The following ATP6V1D variants were observed in gnomAD, a reference collection of about 807,000 sequenced individuals.
The protein encoded by ATP6V1D is V-type proton ATPase subunit D.
A neutral mutation model predicts 39.4 loss-of-function variants in ATP6V1D; 20 were observed. The observed-to-expected ratio is 0.51, with a 90% CI of 0.36 to 0.74. ATP6V1D has a LOEUF of 0.74. ATP6V1D is among the 30% of genes least tolerant of loss of function. ATP6V1D has a pLI of 0.00. For synonymous variants in ATP6V1D, 100 were observed against 100.5 expected, an observed-to-expected ratio of 0.99 and a Z score of 0.03; for missense variants, 228 against 291.6, an observed-to-expected ratio of 0.78 and a Z score of 1.59.
intron 7 of ATP6V1D, among the ~76,000 whole-genome samples, chr14:67,341,447 C>T (rs1483870658): frequency 1.3e-5 from 2 of 152,080 alleles, no homozygotes; most frequent in Non-Finnish European, 2.9e-5. Flanking sequence ...GCAGCCACCC[C>T]GTCCAGGAGG....
At chr14:67,342,032 C>T (rs59451243) in intron 7 of ATP6V1D, among the ~76,000 whole-genome samples, 4 of 151,404 alleles carry the variant, frequency 2.6e-5, no homozygotes, top group Non-Finnish European at 2.9e-5. Flanking sequence ...CAAGTACCCA[C>T]GGACACAAAC....
rs138460579 is a variant in ATP6V1D, at chr14:67,343,625, G to A, written c.457-187C>T. ...CACGCCTATAACCCCAATACTTTGGGAGGCTGAGGTGGGAGAATCACTTGA... is the reference window on the plus strand; with the variant it reads ...CACGCCTATAACCCCAATACTTTGGAAGGCTGAGGTGGGAGAATCACTTGA... On this transcript the variant is annotated intron_variant, in intron 6 of 8. Coordinates refer to ENST00000216442, the MANE Select transcript of ATP6V1D (RefSeq NM_015994.4). Among the ~76,000 whole-genome samples the A allele has an allele frequency of 2.0e-3, 310 of 152,352 alleles. 1 individual carries two copies. Among genetic ancestry groups the A allele is most frequent in the African/African-American group, 7.1e-3 (297 of 41,594 alleles).
At chr14:67,356,967 G>T (rs13379142) in intron 1 of ATP6V1D, among the ~76,000 whole-genome samples, 23,582 of 152,144 alleles carry the variant, frequency 0.15, 3,455 homozygotes, top group East Asian at 0.42. Flanking sequence ...AAGGTAAACT[G>T]GTTGATAAAA....
chr14:67,345,678 C>T (rs888427031), intron 6 of ATP6V1D, 90 bp downstream of exon 6: 4 of 787,400 alleles, frequency 5.1e-6, no homozygotes, highest in Non-Finnish European at 8.6e-6. Context: ...AAGTACAAAG[C>T]ACAGTATATG....
At chr14:67,359,587 C>G in intron 1 of ATP6V1D, 71 bp downstream of exon 1, 1 of 1,555,940 alleles carries the variant, frequency 6.4e-7, no homozygotes. Context: ...TCACTGTGGC[C>G]CAGGGTCTGA....
chr14:67,338,856 C>T, intron 8 of ATP6V1D, 94 bp from the exon 9 acceptor site: 2 of 1,104,318 alleles, frequency 1.8e-6, no homozygotes, highest in Non-Finnish European at 2.5e-6. Flanking sequence ...ATAATAAACA[C>T]ATACCTAGAA....
chr14:67,348,079 T>TC, intron 4 of ATP6V1D, among the ~76,000 whole-genome samples: 1 of 150,984 alleles, frequency 6.6e-6, no homozygotes, highest in East Asian at 2.0e-4. Context: ...CCAGCTAATT[T>TC]TTTTTTTTTT....
At chr14:67,342,316 G>C (rs1713886211) in intron 7 of ATP6V1D, among the ~76,000 whole-genome samples, 1 of 151,630 alleles carries the variant, frequency 6.6e-6, no homozygotes, top group South Asian at 2.1e-4. Context: ...TACCCTTCTA[G>C]TGTCTTTTCT....
intron 5 of ATP6V1D, 120 bp from the exon 6 acceptor site, chr14:67,345,991 A>G: frequency 1.5e-6 from 1 of 668,782 alleles, no homozygotes; most frequent in Admixed American, 2.6e-5. Context: ...ACTAATCTTC[A>G]TTGAATGTAA....
At chr14:67,342,238 A>T (rs2085590749) in intron 7 of ATP6V1D, among the ~76,000 whole-genome samples, 1 of 151,284 alleles carries the variant, frequency 6.6e-6, no homozygotes. Flanking sequence ...AAAAACACAA[A>T]GAAAAAAAGT....
At chr14:67,343,308 C>T in intron 7 of ATP6V1D, 64 bp downstream of exon 7, 1 of 1,258,458 alleles carries the variant, frequency 7.9e-7, no homozygotes, top group South Asian at 1.3e-5. Context: ...TGAATTCTAG[C>T]AGTTTCACGA....
chr14:67,351,774 G>A (rs2085655141), intron 2 of ATP6V1D, among the ~76,000 whole-genome samples: 1 of 151,594 alleles, frequency 6.6e-6, no homozygotes, highest in Admixed American at 6.6e-5. Context: ...TCCCACCTCG[G>A]CCTCCCAAAG....
At chr14:67,358,323 A>T (rs190375485) in intron 1 of ATP6V1D, among the ~76,000 whole-genome samples, 1 of 152,100 alleles carries the variant, frequency 6.6e-6, no homozygotes, top group East Asian at 1.9e-4. Context: ...AGGTGAAGGT[A>T]AAAAATTTAA....
rs760449387 is a variant in ATP6V1D, at chr14:67,338,677, A to G, written c.688T>C (p.Leu230=). 12 of 1,614,096 alleles carry G rather than the reference A, an allele frequency of 7.4e-6. No homozygotes were observed. Among genetic ancestry groups the G allele is most frequent in the East Asian group, 2.2e-5 (1 of 44,868 alleles). Residue 230 remains leucine (L), a synonymous_variant, in exon 9 of 9, where the codon TTG becomes CTG. Coordinates refer to ENST00000216442, the MANE Select transcript of ATP6V1D (RefSeq NM_015994.4). ...LEQRRAAGEV[L]EPANLLAEEK... ...TCAGCCAGAAGATTAGCAGGCTCCA[A>G]CACCTCTCCAGCTGCTCTCCTTTGC...
intron 6 of ATP6V1D, among the ~76,000 whole-genome samples, chr14:67,344,257 A>C (rs182496505): frequency 4.6e-4 from 70 of 152,334 alleles, no homozygotes; most frequent in African/African-American, 1.6e-3. Flanking sequence ...AAACTTTCCC[A>C]TAAAAGCCTT....
intron 1 of ATP6V1D, among the ~76,000 whole-genome samples, chr14:67,358,534 A>G (rs905713988): frequency 6.6e-6 from 1 of 152,030 alleles, no homozygotes; most frequent in Non-Finnish European, 1.5e-5. Context: ...CTGCTTCCTC[A>G]CTGAAAAGAA....
At chr14:67,356,393 C>T (rs1264178194) in intron 1 of ATP6V1D, among the ~76,000 whole-genome samples, 1 of 151,178 alleles carries the variant, frequency 6.6e-6, no homozygotes, top group Non-Finnish European at 1.5e-5. Flanking sequence ...TGCACTCCAG[C>T]CTGGGCAACA....
At chr14:67,357,808 G>T (rs1433939873) in intron 1 of ATP6V1D, among the ~76,000 whole-genome samples, 2 of 152,188 alleles carry the variant, frequency 1.3e-5, no homozygotes, top group African/African-American at 2.4e-5. Context: ...GTGTTGGTCA[G>T]TGTAAACGCC....
At chr14:67,344,946 C>G (rs1416907976) in intron 6 of ATP6V1D, among the ~76,000 whole-genome samples, 5 of 149,432 alleles carry the variant, frequency 3.3e-5, no homozygotes, top group Non-Finnish European at 5.9e-5. Context: ...ATTTTGTTAA[C>G]AAGAAGAAGC....
Sources: gnomAD v4.1 joint callset for allele counts (sites outside exome capture counted in the v4.1 genomes callset) on GRCh38, gnomAD v4.1.1 for gene constraint, MANE v1.5 for transcripts, NCBI Gene and HGNC (gene_info 2026-07-23, HGNC 2026-07-21) for gene names.